SEMA3A: variants seen among roughly 807,000 people sequenced by gnomAD.
SEMA3A encodes the protein semaphorin 3A, also known as semaphorin-3A.
A neutral mutation model predicts 97.9 loss-of-function variants in SEMA3A; 29 were observed. That is an observed-to-expected ratio of 0.30 (90% CI 0.22 to 0.40). The LOEUF (loss-of-function observed/expected upper bound fraction) is 0.40, where lower values mean the gene tolerates loss of function less well. Among genes scored for constraint, SEMA3A ranks in the 10% least tolerant of loss-of-function variants. SEMA3A has a pLI of 1.00. For synonymous variants in SEMA3A, 321 were observed against 323.7 expected (o/e 0.99, Z 0.09); for missense variants, 763 against 951.3 (o/e 0.80, Z 2.60).
intron 3 of SEMA3A, among the ~76,000 whole-genome samples, chr7:84,222,755 A>T (rs11979193): frequency 0.063 from 9,645 of 151,916 alleles, 382 homozygotes; most frequent in African/African-American, 0.12. Flanking sequence ...TCATTTACCC[A>T]TTAAATCATT....
chr7:84,457,582 A>C (rs2116379894), intron 1 of SEMA3A, among the ~76,000 whole-genome samples: 1 of 152,062 alleles, frequency 6.6e-6, no homozygotes, highest in Admixed American at 6.5e-5. Context: ...ACTAGAAAAT[A>C]TTTTGTTCAG....
chr7:84,200,516 G>C (rs539203502), intron 3 of SEMA3A, among the ~76,000 whole-genome samples: 1 of 152,210 alleles, frequency 6.6e-6, no homozygotes, highest in South Asian at 2.1e-4. Flanking sequence ...AATTTCATAA[G>C]TTATGGTTAG....
chr7:83,998,142 G>C (rs1236099179), intron 12 of SEMA3A, among the ~76,000 whole-genome samples: 1 of 151,842 alleles, frequency 6.6e-6, no homozygotes, highest in African/African-American at 2.4e-5. Context: ...TAGATATTAA[G>C]TACTTGTACT....
intron 1 of SEMA3A, among the ~76,000 whole-genome samples, chr7:84,144,566 G>A (rs1796409700): frequency 6.6e-6 from 1 of 152,148 alleles, no homozygotes; most frequent in Non-Finnish European, 1.5e-5. Context: ...TGGAATTTAT[G>A]TGGAAAATTG....
intron 4 of SEMA3A, among the ~76,000 whole-genome samples, chr7:84,081,224 G>A (rs545198022): frequency 1.3e-5 from 2 of 152,080 alleles, no homozygotes; most frequent in East Asian, 1.9e-4. Context: ...GGCATGATAG[G>A]CAAGAAAAAT....
intron 3 of SEMA3A, among the ~76,000 whole-genome samples, chr7:84,204,089 A>C (rs965935738): frequency 1.3e-5 from 2 of 152,160 alleles, no homozygotes; most frequent in African/African-American, 2.4e-5. Flanking sequence ...ACAGTATGTT[A>C]CTCATATAGA....
Position 84,248,433 on chromosome 7 carries a change from G to GA in SEMA3A, c.-82-53766dup, listed in dbSNP as rs141627546. 7.1e-3 allele frequency among the ~76,000 whole-genome samples: 1,082 copies of GA among 152,210 alleles called. 8 individuals are homozygous for GA. The highest frequency in any genetic ancestry group is 0.028 in the East Asian group (144 of 5,170). ...ATACTTCACAGCAAAAGGGAACTGG[G>GA]AAAAAACCTTTTGCTTGGAGGCTGT... On this transcript the variant is annotated intron_variant, in intron 3 of 3. Coordinates refer to the SEMA3A transcript ENST00000424555.
intron 1 of SEMA3A, among the ~76,000 whole-genome samples, chr7:84,139,151 G>A (rs1796226541): frequency 1.3e-5 from 2 of 152,182 alleles, no homozygotes; most frequent in Middle Eastern, 6.8e-3. Flanking sequence ...TGAAATGTGT[G>A]TTATTCTTCC....
intron 1 of SEMA3A, among the ~76,000 whole-genome samples, chr7:84,472,795 C>G (rs1806186087): frequency 6.6e-6 from 1 of 152,060 alleles, no homozygotes; most frequent in Non-Finnish European, 1.5e-5. Flanking sequence ...TCCATATAAT[C>G]ATATCAATAG....
intron 2 of SEMA3A, among the ~76,000 whole-genome samples, chr7:84,336,195 C>A (rs1254948908): frequency 1.3e-5 from 2 of 151,856 alleles, no homozygotes; most frequent in African/African-American, 4.8e-5. Context: ...TCTATGAGTG[C>A]AATTAAGAGG....
At chr7:84,055,569 A>G (rs1452323728) in intron 5 of SEMA3A, among the ~76,000 whole-genome samples, 4 of 152,270 alleles carry the variant, frequency 2.6e-5, no homozygotes, top group African/African-American at 9.6e-5. Flanking sequence ...TGGCTCGTGC[A>G]CGGTGCGCGC....
At chr7:84,136,574 T>C (rs1475597304) in intron 1 of SEMA3A, among the ~76,000 whole-genome samples, 1 of 152,160 alleles carries the variant, frequency 6.6e-6, no homozygotes, top group Non-Finnish European at 1.5e-5. Context: ...CAAATGCAAC[T>C]GCCAAGAAAT....
At chr7:84,127,492 T>C (rs1795834097) in intron 3 of SEMA3A, among the ~76,000 whole-genome samples, 1 of 152,150 alleles carries the variant, frequency 6.6e-6, no homozygotes, top group Non-Finnish European at 1.5e-5. Context: ...CAAAACTTCA[T>C]TGCAGCAGTA....
chr7:84,060,572 A>G lies in SEMA3A; in HGVS notation c.454-14T>C. On this transcript the variant is annotated splice_polypyrimidine_tract_variant and intron_variant, in intron 4 of 16. Transcript: ENST00000265362. ...AAAAATATTGTCCTGTGGATTTAAA[A>G]AAGAAAGAGAAAAGGGTTTCCTTTA... 6.6e-7 allele frequency: 1 copy of G among 1,523,316 alleles called. No individual in the cohort carries two copies. Among genetic ancestry groups the G allele is most frequent in the Non-Finnish European group, 8.8e-7 (1 of 1,134,884 alleles). 94.4% of individuals were successfully genotyped at this position (1,523,316 alleles called of 1,614,324 possible). A position where few individuals can be genotyped will look rare whatever the true frequency, so the allele number is the denominator to read the frequency against.
At chr7:84,117,586 C>T (rs912944725) in intron 3 of SEMA3A, among the ~76,000 whole-genome samples, 1 of 152,164 alleles carries the variant, frequency 6.6e-6, no homozygotes, top group African/African-American at 2.4e-5. Flanking sequence ...GGAGCGTGAA[C>T]ACTTTTATGA....
intron 1 of SEMA3A, among the ~76,000 whole-genome samples, chr7:84,395,816 T>G (rs1803717106): frequency 6.6e-6 from 1 of 152,120 alleles, no homozygotes; most frequent in African/African-American, 2.4e-5. Context: ...GTGAGTCAAT[T>G]AAACCTCTTT....
intron 3 of SEMA3A, among the ~76,000 whole-genome samples, chr7:84,257,651 G>A (rs1014135227): frequency 6.6e-6 from 1 of 152,132 alleles, no homozygotes; most frequent in African/African-American, 2.4e-5. Flanking sequence ...AGTGCCTGCT[G>A]TGATTTTCTC....
At chr7:84,258,900 GGAT>G (rs1428053226) in intron 3 of SEMA3A, among the ~76,000 whole-genome samples, 1 of 151,306 alleles carries the variant, frequency 6.6e-6, no homozygotes, top group Non-Finnish European at 1.5e-5. Flanking sequence ...AAACCAGAAG[GGAT>G]GATTTTTTTT....
intron 6 of SEMA3A, among the ~76,000 whole-genome samples, chr7:84,045,330 A>G (rs949724523): frequency 7.2e-5 from 11 of 151,980 alleles, no homozygotes; most frequent in Admixed American, 3.9e-4. Flanking sequence ...TTCATGCTTC[A>G]TTCTTATGAA....
Sources: gnomAD v4.1 joint callset for allele counts (sites outside exome capture counted in the v4.1 genomes callset) on GRCh38, gnomAD v4.1.1 for gene constraint, MANE v1.5 for transcripts, NCBI Gene and HGNC (gene_info 2026-07-23, HGNC 2026-07-21) for gene names.